The following LIMS1 variants were observed in gnomAD, a reference collection of about 807,000 sequenced individuals.
The protein encoded by LIMS1 is LIM zinc finger domain containing 1.
In LIMS1, 18 loss-of-function variants were observed where a neutral mutation model predicts 44.1. The observed-to-expected ratio is 0.41, with a 90% CI of 0.28 to 0.61. The LOEUF is 0.61. Among genes scored for constraint, LIMS1 ranks in the 20% least tolerant of loss-of-function variants. The pLI is 0.32. For synonymous variants in LIMS1, 93 were observed against 149.1 expected, an observed-to-expected ratio of 0.62 and a Z score of 2.74; for missense variants, 201 against 422.0, an observed-to-expected ratio of 0.48 and a Z score of 4.59.
chr2:108,597,216 C>G (rs1686753603), intron 1 of LIMS1, among the ~76,000 whole-genome samples: 1 of 151,964 alleles, frequency 6.6e-6, no homozygotes, highest in African/African-American at 2.4e-5. Flanking sequence ...GTCAAAACAT[C>G]TTAATTTGAC....
chr2:108,598,707 G>T (rs1686846813), intron 1 of LIMS1, among the ~76,000 whole-genome samples: 1 of 152,212 alleles, frequency 6.6e-6, no homozygotes, highest in African/African-American at 2.4e-5. Context: ...CGGAAGCTGT[G>T]TCTGTTTCTC....
At chr2:108,536,544 T>C (rs1684148825) in intron 1 of LIMS1, among the ~76,000 whole-genome samples, 1 of 152,234 alleles carries the variant, frequency 6.6e-6, no homozygotes, top group South Asian at 2.1e-4. Context: ...AGTTTTGGGC[T>C]ATTAAGAAAG....
intron 1 of LIMS1, among the ~76,000 whole-genome samples, chr2:108,555,674 C>T (rs978276514): frequency 6.6e-6 from 1 of 152,188 alleles, no homozygotes; most frequent in African/African-American, 2.4e-5. Context: ...CCACTGTTCA[C>T]ATGAAAGTTG....
chr2:108,669,161 C>CT (rs1454590756), intron 2 of LIMS1, among the ~76,000 whole-genome samples: 1 of 152,184 alleles, frequency 6.6e-6, no homozygotes, highest in East Asian at 1.9e-4. Context: ...AATCCCAGCA[C>CT]TTTGGGAGGC....
At chr2:108,657,125 C>T (rs1690918458) in intron 1 of LIMS1, among the ~76,000 whole-genome samples, 3 of 140,202 alleles carry the variant, frequency 2.1e-5, no homozygotes, top group Admixed American at 7.4e-5. Flanking sequence ...TTTGTTTCTG[C>T]ATTCAACCTA....
At chr2:108,684,181 AAGTC>A (rs1354131435) in exon 10 of LIMS1, 4 of 372,554 alleles carry the variant, frequency 1.1e-5, no homozygotes, top group Non-Finnish European at 2.0e-5. Flanking sequence ...AACACAAATG[AAGTC>A]AGTATTTGCC....
At chr2:108,540,139 G>A (rs2010551) in intron 1 of LIMS1, among the ~76,000 whole-genome samples, 116,811 of 148,748 alleles carry the variant, frequency 0.79, 46,765 homozygotes, top group East Asian at 1. Flanking sequence ...TGGAACAAAT[G>A]ATGTTTTGTG....
At chr2:108,654,946 G>C in intron 1 of LIMS1, 2 of 1,515,448 alleles carry the variant, frequency 1.3e-6, no homozygotes, top group Non-Finnish European at 1.8e-6. Flanking sequence ...ACCCTGGCGG[G>C]CCAGGCTGAC....
chr2:108,552,372 A>C (rs1315992520), intron 1 of LIMS1, among the ~76,000 whole-genome samples: 1 of 143,916 alleles, frequency 6.9e-6, no homozygotes, highest in Non-Finnish European at 1.5e-5. Context: ...CTATACGTAT[A>C]GTATATATAT....
intron 1 of LIMS1, among the ~76,000 whole-genome samples, chr2:108,542,034 A>G (rs1684333555): frequency 1.3e-5 from 2 of 152,262 alleles, no homozygotes; most frequent in South Asian, 4.1e-4. Flanking sequence ...AAAGAAAAAC[A>G]AGCTGCACAG....
intron 1 of LIMS1, among the ~76,000 whole-genome samples, chr2:108,538,554 G>A (rs1017302313): frequency 6.6e-6 from 1 of 152,152 alleles, no homozygotes; most frequent in African/African-American, 2.4e-5. Flanking sequence ...GGAATCCAGG[G>A]CTTTCAGGAT....
At chr2:108,632,161 G>A (rs1048030298) in intron 1 of LIMS1, among the ~76,000 whole-genome samples, 2 of 152,078 alleles carry the variant, frequency 1.3e-5, no homozygotes, top group African/African-American at 4.8e-5. Flanking sequence ...TAGTAGTGAC[G>A]AGGTTTCCCA....
intron 1 of LIMS1, among the ~76,000 whole-genome samples, chr2:108,602,473 G>A (rs903182122): frequency 6.6e-6 from 1 of 152,106 alleles, no homozygotes; most frequent in Admixed American, 6.6e-5. Flanking sequence ...TTTATACCCA[G>A]TTTTTTGAGG....
chr2:108,650,861 T>TTC (rs1690433423), intron 1 of LIMS1, among the ~76,000 whole-genome samples: 1 of 151,208 alleles, frequency 6.6e-6, no homozygotes, highest in Non-Finnish European at 1.5e-5. Flanking sequence ...TTTATTTATT[T>TTC]ATTCATTCAT....
chr2:108,533,746 GA>G, upstream of LIMS1: 1 of 152,612 alleles, frequency 6.6e-6, no homozygotes, highest in Non-Finnish European at 1.5e-5. Context: ...AATGGGTGAA[GA>G]AAATGAGAGC....
At chr2:108,619,187 A>G (rs1172913758) in intron 1 of LIMS1, among the ~76,000 whole-genome samples, 1 of 152,178 alleles carries the variant, frequency 6.6e-6, no homozygotes, top group Non-Finnish European at 1.5e-5. Context: ...TAATTTTTAA[A>G]AACTCTTTTA....
chr2:108,539,723 G>C (rs912422799), intron 1 of LIMS1, among the ~76,000 whole-genome samples: 14 of 152,136 alleles, frequency 9.2e-5, no homozygotes, highest in Non-Finnish European at 1.6e-4. Flanking sequence ...TTAAAATCGT[G>C]TATGTTTTCA....
chr2:108,625,359 A>T (rs192137876), intron 1 of LIMS1, among the ~76,000 whole-genome samples: 1 of 152,294 alleles, frequency 6.6e-6, no homozygotes, highest in African/African-American at 2.4e-5. Flanking sequence ...GACACAGACC[A>T]ATGTGGCCCA....
At chr2:108,601,117 G>C (rs114801111) in intron 1 of LIMS1, among the ~76,000 whole-genome samples, 3,902 of 152,192 alleles carry the variant, frequency 0.026, 126 homozygotes, top group South Asian at 0.14. Flanking sequence ...AGATGCCTGA[G>C]GGGGGAAGAA....
Sources: allele counts gnomAD v4.1 joint callset (sites outside exome capture counted in the v4.1 genomes callset), GRCh38; gene constraint gnomAD v4.1.1; transcripts MANE v1.5; gene names NCBI Gene and HGNC (gene_info 2026-07-23, HGNC 2026-07-21).